Variants in CEP128 observed in about 807,000 individuals in gnomAD.
CEP128 encodes centrosomal protein 128kDa.
In CEP128, 132 loss-of-function variants were observed where a neutral mutation model predicts 156.7. The observed-to-expected ratio is 0.84, with a 90% CI of 0.73 to 0.97. The LOEUF is 0.97. Among genes scored for constraint, CEP128 ranks in the 50% least tolerant of loss-of-function variants. The probability of loss-of-function intolerance (pLI) is 0.00; values close to 1 mark genes in which losing one functional copy is unlikely to be tolerated. For missense variants in CEP128, 1,252 were observed against 1,281.9 expected (o/e 0.98, Z 0.36); for synonymous variants, 469 against 448.9 (o/e 1.04, Z -0.57).
At chr14:80,762,881 A>G (rs1297103867) in intron 16 of CEP128, among the ~76,000 whole-genome samples, 2 of 152,144 alleles carry the variant, frequency 1.3e-5, no homozygotes, top group Non-Finnish European at 2.9e-5. Context: ...TAAACCTAGG[A>G]ACTGGAATTT....
intron 23 of CEP128, among the ~76,000 whole-genome samples, chr14:80,513,715 T>C (rs1888363118): frequency 6.6e-6 from 1 of 152,178 alleles, no homozygotes; most frequent in African/African-American, 2.4e-5. Context: ...ATCAGATGGG[T>C]TTTATTTAAT....
chr14:80,925,791 G>A (rs771158147), intron 2 of CEP128, among the ~76,000 whole-genome samples: 1 of 152,102 alleles, frequency 6.6e-6, no homozygotes, highest in African/African-American at 2.4e-5. Context: ...GATAAACCAG[G>A]AGGAAAACTG....
chr14:80,515,926 T>C (rs1436294312), intron 23 of CEP128, among the ~76,000 whole-genome samples: 5 of 152,162 alleles, frequency 3.3e-5, no homozygotes, highest in Non-Finnish European at 7.4e-5. Context: ...TGGAGTGCAA[T>C]GGTGCAACTG....
At chr14:80,605,445 G>T (rs1215235136) in intron 19 of CEP128, among the ~76,000 whole-genome samples, 1 of 151,970 alleles carries the variant, frequency 6.6e-6, no homozygotes, top group Non-Finnish European at 1.5e-5. Flanking sequence ...ATATCTATCT[G>T]TTTTCTTCTA....
chr14:80,779,944 G>A (rs1486384265), intron 15 of CEP128, among the ~76,000 whole-genome samples: 1 of 151,968 alleles, frequency 6.6e-6, no homozygotes. Context: ...TCAGCAAATG[G>A]CAAAAACACA....
intron 23 of CEP128, among the ~76,000 whole-genome samples, chr14:80,522,831 T>C (rs1303796902): frequency 6.6e-6 from 1 of 152,254 alleles, no homozygotes; most frequent in African/African-American, 2.4e-5. Flanking sequence ...TTCTCTTGTC[T>C]ACCAAGACAG....
At chr14:80,768,495 G>C (rs1900353616) in intron 16 of CEP128, among the ~76,000 whole-genome samples, 1 of 152,210 alleles carries the variant, frequency 6.6e-6, no homozygotes, top group African/African-American at 2.4e-5. Context: ...TTGTGGGTTA[G>C]ATACACTGTC....
At chr14:80,810,181 G>T (rs1884425830) in intron 13 of CEP128, among the ~76,000 whole-genome samples, 1 of 151,246 alleles carries the variant, frequency 6.6e-6, no homozygotes, top group Non-Finnish European at 1.5e-5. Flanking sequence ...AAATAAGCCG[G>T]GCATGATTGT....
At chr14:80,727,128 G>C (rs746107130) in intron 19 of CEP128, among the ~76,000 whole-genome samples, 7 of 152,094 alleles carry the variant, frequency 4.6e-5, no homozygotes, top group Non-Finnish European at 7.4e-5. Flanking sequence ...GCTTTACACA[G>C]AGAAATGTTC....
At chr14:80,531,923 A>G (rs1002137608) in intron 21 of CEP128, among the ~76,000 whole-genome samples, 1 of 152,084 alleles carries the variant, frequency 6.6e-6, no homozygotes, top group Non-Finnish European at 1.5e-5. Context: ...CCCAGCCCCT[A>G]CCATGAGGAC....
chr14:80,781,266 G>A lies in CEP128; in HGVS notation c.2212-3220C>T, dbSNP rs141032996. On this transcript the variant is annotated intron_variant, in intron 15 of 24. Coordinates refer to ENST00000555265, the MANE Select transcript of CEP128 (RefSeq NM_152446.5). ...GAGGTCAAGAGATCGAAACCATCCT[G>A]GCCAACATTGTGAAACCCCATCTCT... is the stretch of plus-strand genomic sequence containing the variant. 5.4e-3 allele frequency among the ~76,000 whole-genome samples: 817 copies of A among 152,158 alleles called. 5 individuals are homozygous for A. Among genetic ancestry groups the A allele is most frequent in the African/African-American group, 0.018 (759 of 41,522 alleles).
chr14:80,486,451 T>C (rs896271263), downstream of CEP128, among the ~76,000 whole-genome samples: 3 of 151,948 alleles, frequency 2.0e-5, no homozygotes, highest in African/African-American at 7.2e-5. Context: ...CTCTGCAGGA[T>C]ATTATCCAGG....
intron 16 of CEP128, among the ~76,000 whole-genome samples, chr14:80,767,317 T>TCAAG (rs1900288510): frequency 6.6e-6 from 1 of 152,086 alleles, no homozygotes; most frequent in African/African-American, 2.4e-5. Flanking sequence ...AAATAACACA[T>TCAAG]CAAGTGCTGG....
chr14:80,627,303 A>G (rs1375691840), intron 19 of CEP128, among the ~76,000 whole-genome samples: 3 of 152,264 alleles, frequency 2.0e-5, no homozygotes, highest in African/African-American at 7.2e-5. Context: ...GTCCCAAGTC[A>G]TTAAATAAAT....
chr14:80,930,745 A>G (rs1356960392), intron 2 of CEP128, among the ~76,000 whole-genome samples: 1 of 152,234 alleles, frequency 6.6e-6, no homozygotes, highest in Non-Finnish European at 1.5e-5. Flanking sequence ...AAAAACATGA[A>G]CACAAAGAAC....
At chr14:80,603,802 T>A (rs1044386778) in intron 19 of CEP128, among the ~76,000 whole-genome samples, 4 of 152,190 alleles carry the variant, frequency 2.6e-5, no homozygotes, top group African/African-American at 9.7e-5. Context: ...AATCCCATAC[T>A]GCTAGGATAA....
At chr14:80,513,408 T>A in intron 23 of CEP128, among the ~76,000 whole-genome samples, 1 of 152,230 alleles carries the variant, frequency 6.6e-6, no homozygotes, top group East Asian at 1.9e-4. Context: ...TTTTTCCTAA[T>A]ACTTGACCTT....
intron 2 of CEP128, among the ~76,000 whole-genome samples, chr14:80,952,866 A>C (rs1886494869): frequency 6.6e-6 from 1 of 152,218 alleles, no homozygotes; most frequent in South Asian, 2.1e-4. Flanking sequence ...AATATTATGA[A>C]CAAACTCATG....
intron 23 of CEP128, among the ~76,000 whole-genome samples, chr14:80,517,836 C>G (rs1230027919): frequency 6.6e-6 from 1 of 152,072 alleles, no homozygotes; most frequent in African/African-American, 2.4e-5. Flanking sequence ...TAGGATGAAT[C>G]TGGGCACTGA....
Sources: allele counts gnomAD v4.1 joint callset (sites outside exome capture counted in the v4.1 genomes callset), GRCh38; gene constraint gnomAD v4.1.1; transcripts MANE v1.5; gene names NCBI Gene and HGNC (gene_info 2026-07-23, HGNC 2026-07-21).